The following LRP1B variants were observed in gnomAD, a reference collection of about 807,000 sequenced individuals.
The protein encoded by LRP1B is low-density lipoprotein receptor-related protein 1B.
LRP1B carries 217 observed loss-of-function variants against 556.6 expected under a neutral mutation model. The ratio of observed to expected loss-of-function variants is 0.39; its 90% CI spans 0.35 to 0.44. The LOEUF is 0.44. LRP1B is among the 20% of genes least tolerant of loss of function. The pLI is 1.00. For missense variants in LRP1B, 5,053 were observed against 5,620.8 expected (o/e 0.90, Z 3.23); for synonymous variants, 2,047 against 1,865.8 (o/e 1.10, Z -2.50).
At chr2:141,931,869 A>C (rs1700517456) in intron 1 of LRP1B, among the ~76,000 whole-genome samples, 1 of 152,048 alleles carries the variant, frequency 6.6e-6, no homozygotes, top group Admixed American at 6.6e-5. Flanking sequence ...ACAGACAGTG[A>C]TGGAGTAAAC....
At chr2:141,082,003 T>C (rs956425150) in intron 7 of LRP1B, among the ~76,000 whole-genome samples, 3 of 152,174 alleles carry the variant, frequency 2.0e-5, no homozygotes, top group Non-Finnish European at 1.5e-5. Context: ...TGAAATTCTA[T>C]ATTAAAATTA....
At position 140,485,350 on chromosome 2, in the gene LRP1B, G is replaced by A; in HGVS notation, c.9418C>T (p.Gln3140Ter). ...TTAACAGTTTTTACAAACCCAGCTTGAGGATCTAAAGACAAGTCTCTGGGA... is the reference window on the plus strand; with the variant it reads ...TTAACAGTTTTTACAAACCCAGCTTAAGGATCTAAAGACAAGTCTCTGGGA... ...KFPRDLSLDP[Q>*]AGYLYWIDCC... is the part of the protein sequence containing the mutation. The change falls in exon 59 of 91, where the codon CAA (glutamine) becomes TAA (stop). Residue 3140 changes from glutamine (Q) to a stop codon, truncating the protein, a stop_gained. Coordinates refer to ENST00000389484, the MANE Select transcript of LRP1B (RefSeq NM_018557.3). LOFTEE classifies it high-confidence loss of function. 2 of 1,607,414 alleles carry A rather than the reference G, an allele frequency of 1.2e-6. No homozygotes were observed. Among genetic ancestry groups the A allele is most frequent in the Non-Finnish European group, 1.7e-6 (2 of 1,177,708 alleles).
chr2:141,376,223 T>G (rs945120137), intron 3 of LRP1B, among the ~76,000 whole-genome samples: 16 of 152,162 alleles, frequency 1.1e-4, no homozygotes, highest in Non-Finnish European at 1.0e-4. Context: ...TGCAGCAACA[T>G]CTCTGTGCAA....
chr2:140,909,202 G>A (rs1694346226), intron 21 of LRP1B, among the ~76,000 whole-genome samples: 1 of 152,252 alleles, frequency 6.6e-6, no homozygotes. Context: ...ATGTTCAGGT[G>A]TAATATACAT....
intron 42 of LRP1B, among the ~76,000 whole-genome samples, chr2:140,599,732 G>A (rs1039893202): frequency 2.0e-5 from 3 of 152,044 alleles, no homozygotes; most frequent in Non-Finnish European, 4.4e-5. Flanking sequence ...TTCCTAGATT[G>A]TAGGCTTTAT....
At chr2:140,282,541 T>C (rs1682960253) in intron 84 of LRP1B, among the ~76,000 whole-genome samples, 1 of 151,856 alleles carries the variant, frequency 6.6e-6, no homozygotes, top group South Asian at 2.1e-4. Context: ...TGCTGTTCTC[T>C]TTCCTTTCTG....
At chr2:140,242,941 TAGGAAAGAGAGAG>T (rs1681013467) in intron 87 of LRP1B, among the ~76,000 whole-genome samples, 6 of 151,146 alleles carry the variant, frequency 4.0e-5, no homozygotes, top group Non-Finnish European at 7.4e-5. Context: ...TGATTCAACT[TAGGAAAGAGAGAG>T]AAGTTTAAGG....
chr2:140,514,632 G>A (rs572191482), intron 51 of LRP1B, 21 bp downstream of exon 51: 1 of 1,599,478 alleles, frequency 6.3e-7, no homozygotes, highest in Non-Finnish European at 8.5e-7. Flanking sequence ...ACTGATTGAG[G>A]ACAGAAGATA....
chr2:141,397,446 T>C (rs1320972415), intron 3 of LRP1B, among the ~76,000 whole-genome samples: 6 of 151,652 alleles, frequency 4.0e-5, no homozygotes, highest in Admixed American at 1.3e-4. Flanking sequence ...GTATTTCTAG[T>C]AGGATATGAA....
intron 2 of LRP1B, among the ~76,000 whole-genome samples, chr2:141,726,754 G>A (rs1434165705): frequency 2.0e-5 from 3 of 152,028 alleles, no homozygotes; most frequent in Non-Finnish European, 4.4e-5. Flanking sequence ...AGTATTATCA[G>A]ATTACAAGAA....
chr2:140,594,718 T>C (rs964602169), intron 43 of LRP1B, among the ~76,000 whole-genome samples: 17 of 152,208 alleles, frequency 1.1e-4, no homozygotes, highest in African/African-American at 3.6e-4. Flanking sequence ...ACTCTTGAGA[T>C]TGCCTTCTGC....
At chr2:140,238,660 C>CAT (rs1254332390) in intron 88 of LRP1B, among the ~76,000 whole-genome samples, 1 of 150,804 alleles carries the variant, frequency 6.6e-6, no homozygotes, top group Admixed American at 6.6e-5. Context: ...TCCTGTTTTA[C>CAT]ATAAGTCAAA....
chr2:140,551,565 C>T (rs1180654122), intron 43 of LRP1B, among the ~76,000 whole-genome samples: 1 of 152,128 alleles, frequency 6.6e-6, no homozygotes, highest in African/African-American at 2.4e-5. Flanking sequence ...GAGTTTTATT[C>T]TGAAAGCAGC....
chr2:140,727,001 G>A (rs111707395), intron 35 of LRP1B, among the ~76,000 whole-genome samples: 3,262 of 152,120 alleles, frequency 0.021, 99 homozygotes, highest in African/African-American at 0.072. Flanking sequence ...GAATGGCTAG[G>A]ATACCAAGAA....
chr2:141,014,729 A>G (rs1697852963), intron 13 of LRP1B, among the ~76,000 whole-genome samples: 1 of 152,070 alleles, frequency 6.6e-6, no homozygotes, highest in South Asian at 2.1e-4. Context: ...TGGCCATGAA[A>G]GTATTATGTT....
At chr2:140,378,342 A>T (rs1683326791) in intron 67 of LRP1B, 56 bp from the exon 68 acceptor site, 2 of 918,660 alleles carry the variant, frequency 2.2e-6, no homozygotes, top group Admixed American at 2.1e-5. Context: ...GCATTGTAAA[A>T]TTTATATGAC....
intron 41 of LRP1B, among the ~76,000 whole-genome samples, chr2:140,649,204 A>G (rs1018051997): frequency 6.6e-6 from 1 of 152,106 alleles, no homozygotes; most frequent in South Asian, 2.1e-4. Flanking sequence ...CTATCCTGGT[A>G]GTGATTTCCT....
In LRP1B at chr2:140,370,712, C is replaced by A; in HGVS notation, c.11006G>T (p.Arg3669Ile). Reference protein sequence around the residue: ...VDGSDEENCERGGNICRADEF... With the variant: ...VDGSDEENCEIGGNICRADEF... ...ACACACACACAAAAATACCTTACCT[C>A]TTTCACAGTTCTCTTCATCACTGCC... is the stretch of plus-strand genomic sequence containing the variant. The change falls in exon 71 of 91, where the codon AGA (arginine) becomes ATA (isoleucine). Residue 3669 changes from arginine (R) to isoleucine (I), a missense_variant and splice_region_variant. This residue lies in a region of LRP1B where 599 missense variants were observed against 648.4 expected (regional missense o/e 0.92). Transcript: ENST00000389484. The A allele has an allele frequency of 6.2e-7, 1 of 1,612,384 alleles. No homozygotes were observed. The highest frequency in any genetic ancestry group is 1.3e-5 in the African/African-American group (1 of 74,932).
intron 18 of LRP1B, among the ~76,000 whole-genome samples, chr2:140,952,238 C>T (rs1364576100): frequency 6.6e-6 from 1 of 151,938 alleles, no homozygotes; most frequent in Non-Finnish European, 1.5e-5. Flanking sequence ...CTCCATGCAC[C>T]AAGGGACTCA....
Sources: gnomAD v4.1 joint callset for allele counts (sites outside exome capture counted in the v4.1 genomes callset) on GRCh38, gnomAD v4.1.1 for gene constraint, gnomAD v4.1.1 regional missense constraint, MANE v1.5 for transcripts, NCBI Gene and HGNC (gene_info 2026-07-23, HGNC 2026-07-21) for gene names.